Variants in CPA1 observed in about 807,000 individuals in gnomAD.
CPA1 encodes carboxypeptidase A1 (pancreatic).
Under a neutral mutation model 48.7 loss-of-function variants are expected in CPA1, and 42 were observed. The observed-to-expected ratio is 0.86, with a 90% CI of 0.67 to 1.11. CPA1 has a LOEUF of 1.11. Among genes scored for constraint, CPA1 ranks in the 50% most tolerant of loss-of-function variants. The pLI, the probability that CPA1 is intolerant of heterozygous loss-of-function variation, is 0.00. For missense variants in CPA1, 477 were observed against 544.7 expected, an observed-to-expected ratio of 0.88 and a Z score of 1.24; for synonymous variants, 203 against 217.9, an observed-to-expected ratio of 0.93 and a Z score of 0.60.
Position 130,381,824 on chromosome 7 carries a change from C to T in CPA1, c.342C>T (p.Thr114=), listed in dbSNP as rs782486022. The change falls in exon 3 of 10, where the codon ACC becomes ACT. Residue 114 remains threonine, a synonymous_variant. Transcript: ENST00000011292. ...MFAFRSRARS[T]DTFNYATYHT... is the part of the protein sequence containing the mutation. ...CCTTCCGGTCCCGGGCGCGCTCCAC[C>T]GACACTTTTAACTACGCCACCTACC... is the stretch of plus-strand genomic sequence containing the variant. 2.5e-5 allele frequency: 40 copies of T among 1,614,104 alleles called. No homozygotes were observed. Among genetic ancestry groups the T allele is most frequent in the Non-Finnish European group, 3.2e-5 (38 of 1,180,026 alleles).
chr7:130,380,584 G>C lies in CPA1; in HGVS notation c.64G>C (p.Gly22Arg), dbSNP rs1450647687. The change falls in exon 1 of 10, where the codon GGG (glycine) becomes CGG (arginine). Residue 22 changes from glycine to arginine, a missense_variant and splice_region_variant. Coordinates refer to ENST00000011292, the MANE Select transcript of CPA1 (RefSeq NM_001868.4). Reference sequence around the variant, plus strand: ...TGTCTTTGGCAAGGAGGACTTTGTGGGGTAGGGATGTGGAGAGGAGGGGGT... The same window carrying C: ...TGTCTTTGGCAAGGAGGACTTTGTGCGGTAGGGATGTGGAGAGGAGGGGGT... ...GAVFGKEDFV[G>R]HQVLRISVAD... 7.6e-7 allele frequency: 1 copy of C among 1,313,274 alleles called. No individual in the cohort carries two copies. Among genetic ancestry groups the C allele is most frequent in the African/African-American group, 1.5e-5 (1 of 66,304 alleles). 81.4% of individuals were successfully genotyped at this position (1,313,274 alleles called of 1,614,324 possible).
intron 8 of CPA1, 41 bp from the exon 9 acceptor site, chr7:130,385,798 G>A: frequency 6.4e-7 from 1 of 1,550,492 alleles, no homozygotes; most frequent in Non-Finnish European, 8.9e-7. Context: ...TGTTCCAGGA[G>A]CCTGGCCATG....
chr7:130,384,625 G>A lies in CPA1; in HGVS notation c.786G>A (p.Gly262=), dbSNP rs1323286324. The A allele has an allele frequency of 7.4e-6, 12 of 1,613,358 alleles. No individual in the cohort carries two copies. Among genetic ancestry groups the A allele is most frequent in the African/African-American group, 5.3e-5 (4 of 74,918 alleles). The change falls in exon 7 of 10, where the codon GGG becomes GGA. Residue 262 remains glycine, a splice_region_variant and synonymous_variant. Coordinates refer to ENST00000011292, the MANE Select transcript of CPA1 (RefSeq NM_001868.4). ...ACAGGAACTGGGACGCTGGCTTTGG[G>A]TGTAAGGCCCAGAGTGTCTTGGGAG... The part of the protein sequence containing the change: ...DPNRNWDAGF[G]LSGASSNPCS...
chr7:130,381,246 G>A lies in CPA1; in HGVS notation c.147+67G>A, dbSNP rs1441827865. 4 of 1,171,824 alleles carry A rather than the reference G, an allele frequency of 3.4e-6. No individual in the cohort carries two copies. In the African/African-American group the frequency reaches 6.1e-5, roughly 18 times the overall value. 72.6% of individuals were successfully genotyped at this position (1,171,824 alleles called of 1,614,324 possible). On this transcript the variant is annotated intron_variant, in intron 2 of 9. Transcript: ENST00000011292. Reference sequence around the variant, plus strand: ...CAGCTGGGGCCACCCCAGGTCCCCAGCGGCCAACTGTGCCTGGGCTGTCTC... The same window carrying A: ...CAGCTGGGGCCACCCCAGGTCCCCAACGGCCAACTGTGCCTGGGCTGTCTC...
chr7:130,385,212 A>C lies in CPA1; in HGVS notation c.854A>C (p.Glu285Ala). 1 of 1,614,228 alleles carries C rather than the reference A, an allele frequency of 6.2e-7. No homozygotes were observed. Among genetic ancestry groups the C allele is most frequent in the Non-Finnish European group, 8.5e-7 (1 of 1,180,034 alleles). The change falls in exon 8 of 10, where the codon GAG (glutamate) becomes GCG (alanine). Residue 285 changes from glutamate (E) to alanine (A), a missense_variant. Physicochemically the swap from Glu to Ala is moderately radical, Grantham distance 107. Transcript: ENST00000011292. ...GGCAAGTTTGCCAATTCCGAAGTGG[A>C]GGTCAAGTCCATTGTAGACTTTGTG... is the stretch of plus-strand genomic sequence containing the variant. Reference protein sequence around the residue: ...YHGKFANSEVEVKSIVDFVKD... With the variant: ...YHGKFANSEVAVKSIVDFVKD...
At position 130,381,683 on chromosome 7, in the gene CPA1, G is replaced by T. The variant is rs559471767; in HGVS notation, c.201G>T (p.Val67=). 32 of 1,614,046 alleles carry T rather than the reference G, an allele frequency of 2.0e-5. No individual in the cohort carries two copies. The East Asian group carries it at 6.7e-4, about 34-fold the overall frequency. Residue 67 remains valine (V), a synonymous_variant, in exon 3 of 10, where the codon GTG becomes GTT. Coordinates refer to ENST00000011292, the MANE Select transcript of CPA1 (RefSeq NM_001868.4). ...CTGGCTCCCCCATCGACGTCCGAGT[G>T]CCCTTCCCCAGCATCCAGGCGGTCA... is the stretch of plus-strand genomic sequence containing the variant. ...AHPGSPIDVR[V]PFPSIQAVKI...
Position 130,381,760 on chromosome 7 carries a change from T to C in CPA1, c.278T>C (p.Val93Ala). 1 of 1,614,172 alleles carries C rather than the reference T, an allele frequency of 6.2e-7. No individual in the cohort carries two copies. The highest frequency in any genetic ancestry group is 8.5e-7 in the Non-Finnish European group (1 of 1,180,028). The change falls in exon 3 of 10, where the codon GTG (valine) becomes GCG (alanine). Residue 93 changes from valine (V) to alanine (A), a missense_variant. By Grantham distance (64) the Val-to-Ala change is moderately conservative (BLOSUM62 0). Transcript: ENST00000011292. ...GISYETMIED[V>A]QSLLDEEQEQ... is the part of the protein sequence containing the mutation. The stretch of plus-strand genomic sequence containing the variant: ...AGCTATGAGACCATGATCGAGGACG[T>C]GCAGTCGCTGCTGGACGAGGAGCAG...
At position 130,382,221 on chromosome 7, in the gene CPA1, A is replaced by G. The variant is rs782530526; in HGVS notation, c.483+12A>G. 6.9e-6 allele frequency: 11 copies of G among 1,602,314 alleles called. No individual in the cohort carries two copies. The highest frequency in any genetic ancestry group is 9.4e-6 in the Non-Finnish European group (11 of 1,169,366). On this transcript the variant is annotated intron_variant, in intron 4 of 9. Transcript: ENST00000011292. Reference sequence around the variant, plus strand: ...TTTACGTGCTGAAGGTAACATCCACATGTGGACATACACAGGGGAGAATGG... The same window carrying G: ...TTTACGTGCTGAAGGTAACATCCACGTGTGGACATACACAGGGGAGAATGG...
Position 130,388,017 on chromosome 7 carries a change from C to T in CPA1, c.*6C>T. On this transcript the variant is annotated 3_prime_UTR_variant, in exon 10 of 10. Transcript: ENST00000011292. The stretch of plus-strand genomic sequence containing the variant: ...CCCTGAATCACCCCTACTGAGCTGA[C>T]CCTTTGACACCCTTCTTGTCCTCCT... 6.2e-7 allele frequency: 1 copy of T among 1,612,628 alleles called. No individual in the cohort carries two copies. The highest frequency in any genetic ancestry group is 8.5e-7 in the Non-Finnish European group (1 of 1,179,820).
rs1796498177 is a variant in CPA1 at position 130,387,769 on chromosome 7, T to A, written c.1073-55T>A. On this transcript the variant is annotated intron_variant, in intron 9 of 9. Coordinates refer to ENST00000011292, the MANE Select transcript of CPA1 (RefSeq NM_001868.4). This position sits in a 1 kb window ranked among gnomAD's most constrained non-coding sequence, Gnocchi z 4.6. ...AGGGTTGGATCGTTAACCCAACCCGTGTAAATATTCCCAAAGTGATTGACC... is the reference window on the plus strand; with the variant it reads ...AGGGTTGGATCGTTAACCCAACCCGAGTAAATATTCCCAAAGTGATTGACC... The A allele has an allele frequency of 6.5e-6, 10 of 1,534,604 alleles. No homozygotes were observed.
Position 130,381,655 on chromosome 7 carries a change from A to G in CPA1, c.173A>G (p.His58Arg). 1 of 1,613,588 alleles carries G rather than the reference A, an allele frequency of 6.2e-7. No individual in the cohort carries two copies. Among genetic ancestry groups the G allele is most frequent in the Non-Finnish European group, 8.5e-7 (1 of 1,179,878 alleles). ...LQLDFWRGPA[H>R]PGSPIDVRVP... The stretch of plus-strand genomic sequence containing the variant: ...CTGGACTTCTGGCGGGGGCCTGCCC[A>G]CCCTGGCTCCCCCATCGACGTCCGA... Residue 58 changes from histidine (H) to arginine (R), a missense_variant, in exon 3 of 10, where the codon CAC becomes CGC. Coordinates refer to ENST00000011292, the MANE Select transcript of CPA1 (RefSeq NM_001868.4).
chr7:130,387,745 G>A lies in CPA1; in HGVS notation c.1073-79G>A, dbSNP rs1309296924. The A allele has an allele frequency of 1.8e-5, 24 of 1,305,764 alleles. No homozygotes were observed. Among genetic ancestry groups the A allele is most frequent in the Non-Finnish European group, 2.3e-5 (21 of 916,928 alleles). The allele number at this position is 1,305,764 out of a possible 1,614,324, so 80.9% of individuals were successfully genotyped here. ...TGCACAAGGCACAGAGCTTTGGACA[G>A]GGTTGGATCGTTAACCCAACCCGTG... On this transcript the variant is annotated intron_variant, in intron 9 of 9. Transcript: ENST00000011292. The surrounding 1 kb of genome is among the most constrained non-coding windows in gnomAD (Gnocchi z 4.6).
intron 1 of CPA1, chr7:130,380,897 G>T: frequency 1.6e-6 from 1 of 611,672 alleles, no homozygotes. Flanking sequence ...GCGTCTAGAA[G>T]TTTCTAAAGA....
At position 130,380,575 on chromosome 7, in the gene CPA1, G is replaced by T. The variant is rs781953020; in HGVS notation, c.55G>T (p.Asp19Tyr). 1 of 1,314,382 alleles carries T rather than the reference G, an allele frequency of 7.6e-7. No individual in the cohort carries two copies. The highest frequency in any genetic ancestry group is 9.8e-7 in the Non-Finnish European group (1 of 1,022,238). The allele number at this position is 1,314,382 out of a possible 1,614,324, so 81.4% of individuals were successfully genotyped here. ...VLLGAVFGKE[D>Y]FVGHQVLRIS... ...GTTGGGGGCTGTCTTTGGCAAGGAG[G>T]ACTTTGTGGGGTAGGGATGTGGAGA... is the stretch of plus-strand genomic sequence containing the variant. Residue 19 changes from aspartate (D) to tyrosine (Y), a missense_variant, in exon 1 of 10, where the codon GAC becomes TAC. Asp to Tyr is a radical substitution (Grantham distance 160). Transcript: ENST00000011292.
intron 8 of CPA1, among the ~76,000 whole-genome samples, 155 bp downstream of exon 8, chr7:130,385,500 C>CCG (rs1255942251): frequency 6.6e-6 from 1 of 152,192 alleles, no homozygotes; most frequent in Non-Finnish European, 1.5e-5. Context: ...GGTGGACTAA[C>CCG]CATTTTTTCT....
rs377042960 is a variant in CPA1 at position 130,383,449 on chromosome 7, G to A, written c.542G>A (p.Arg181Gln). 65 of 1,614,074 alleles carry A rather than the reference G, an allele frequency of 4.0e-5. No homozygotes were observed. The highest frequency in any genetic ancestry group is 1.2e-4 in the Admixed American group (7 of 60,008). Residue 181 changes from arginine to glutamine, a missense_variant, in exon 5 of 10, where the codon CGG becomes CAG. Arg to Gln is a conservative substitution (Grantham distance 43). Coordinates refer to ENST00000011292, the MANE Select transcript of CPA1 (RefSeq NM_001868.4). ...TGGATCGACACGGGCATCCATTCCC[G>A]GGAGTGGGTCACCCAGGCCAGTGGG... ...AIWIDTGIHS[R>Q]EWVTQASGVW...
chr7:130,383,654 C>G, intron 5 of CPA1, 30 bp from the exon 6 acceptor site: 1 of 1,552,882 alleles, frequency 6.4e-7, no homozygotes, highest in Non-Finnish European at 8.9e-7. Flanking sequence ...GCCCAGCCTG[C>G]GCTGCCCCTC....
intron 8 of CPA1, 34 bp downstream of exon 8, chr7:130,385,379 C>A: frequency 1.9e-6 from 3 of 1,605,302 alleles, no homozygotes; most frequent in Non-Finnish European, 2.6e-6. Flanking sequence ...CCCTCGTCCC[C>A]AAGGTGGCTT....
At chr7:130,383,560 C>T (rs764999344) in intron 5 of CPA1, 68 bp downstream of exon 5, 22 of 1,462,402 alleles carry the variant, frequency 1.5e-5, no homozygotes, top group Admixed American at 3.5e-5. Context: ...CACAGAAGCC[C>T]GGGCCTCCCT....
Sources: allele counts gnomAD v4.1 joint callset (sites outside exome capture counted in the v4.1 genomes callset), GRCh38; gene constraint gnomAD v4.1.1; non-coding constraint Gnocchi (gnomAD v3.1); transcripts MANE v1.5; gene names NCBI Gene and HGNC (gene_info 2026-07-23, HGNC 2026-07-21).